Variants in FIGLA observed in about 807,000 individuals in gnomAD.
FIGLA encodes factor in the germline alpha.
In FIGLA, 17 loss-of-function variants were observed where a neutral mutation model predicts 21.5. The ratio of observed to expected loss-of-function variants is 0.79; its 90% CI spans 0.54 to 1.19. FIGLA has a LOEUF of 1.19. FIGLA is among the 50% of genes most tolerant of loss of function. FIGLA has a pLI of 0.00. For missense variants in FIGLA, 282 were observed against 285.0 expected (o/e 0.99, Z 0.08); for synonymous variants, 129 against 117.6 (o/e 1.10, Z -0.63).
Position 70,790,478 on chromosome 2 carries a change from T to C in FIGLA, c.161A>G (p.Tyr54Cys), listed in dbSNP as rs1553390719. Residue 54 changes from tyrosine (Y) to cysteine (C), a missense_variant, in exon 1 of 5, where the codon TAC becomes TGC. Transcript: ENST00000332372. ...CRLKRLPSGGYSSTENLQLVL... is the reference protein window; with the variant it reads ...CRLKRLPSGGCSSTENLQLVL... ...CAACTGGAGGTTTTCAGTGGACGAG[T>C]AGCCGCCCGAGGGCAGCCGCTTGAG... The C allele has an allele frequency of 5.2e-6, 8 of 1,544,692 alleles. No individual in the cohort carries two copies. The highest frequency in any genetic ancestry group is 2.4e-5 in the South Asian group (2 of 83,840).
intron 4 of FIGLA, 29 bp downstream of exon 4, chr2:70,777,608 A>G: frequency 1.3e-6 from 2 of 1,599,260 alleles, no homozygotes; most frequent in Non-Finnish European, 1.7e-6. Flanking sequence ...ATAAATTGGC[A>G]CTATGCATCA....
At chr2:70,781,609 G>A (rs1553389149) in intron 3 of FIGLA, among the ~76,000 whole-genome samples, 1 of 152,160 alleles carries the variant, frequency 6.6e-6, no homozygotes, top group Non-Finnish European at 1.5e-5. Flanking sequence ...TGACTACTCA[G>A]CAAAAAGCAG....
chr2:70,777,906 T>C (rs1215840991), intron 3 of FIGLA, among the ~76,000 whole-genome samples: 7 of 152,216 alleles, frequency 4.6e-5, no homozygotes, highest in African/African-American at 1.7e-4. Flanking sequence ...TTTTAGTGTA[T>C]TTCCATCAGT....
Position 70,777,368 on chromosome 2 carries a change from C to T in FIGLA, c.659G>A (p.Ter220=). 1 of 1,491,316 alleles carries T rather than the reference C, an allele frequency of 6.7e-7. No individual in the cohort carries two copies. 92.4% of individuals were successfully genotyped at this position (1,491,316 alleles called of 1,614,324 possible). ...GGTAACCCTGGGCCTTTTCATTTTTCATACTTGTGGAAGTCTGAAACAGAG... is the reference window on the plus strand; with the variant it reads ...GGTAACCCTGGGCCTTTTCATTTTTTATACTTGTGGAAGTCTGAAACAGAG... ...ELLSHRLPQV[*] The change falls in exon 5 of 5, where the codon TGA becomes TAA. Residue 220 remains the stop codon, a stop_retained_variant. Transcript: ENST00000332372.
At chr2:70,784,364 G>C (rs1335766149) in intron 3 of FIGLA, among the ~76,000 whole-genome samples, 1 of 152,202 alleles carries the variant, frequency 6.6e-6, no homozygotes, top group Non-Finnish European at 1.5e-5. Flanking sequence ...TTGCTCATGA[G>C]TCAAGAGAAG....
chr2:70,790,625 G>A lies in FIGLA; in HGVS notation c.14C>T (p.Pro5Leu), dbSNP rs782637050. The change falls in exon 1 of 5, where the codon CCC (proline) becomes CTC (leucine). Residue 5 changes from proline to leucine, a missense_variant. By Grantham distance (98) the Pro-to-Leu change is moderately conservative. Coordinates refer to ENST00000332372, the MANE Select transcript of FIGLA (RefSeq NM_001004311.3). Reference protein sequence around the residue: MDPAPGVLDPRAAPP... With the variant: MDPALGVLDPRAAPP... ...CGCGGCGCGGGGATCTAGGACGCCG[G>A]GCGCGGGGTCCATGGCAGGGCCGAG... is the stretch of plus-strand genomic sequence containing the variant. 1 of 1,417,624 alleles carries A rather than the reference G, an allele frequency of 7.1e-7. No individual in the cohort carries two copies. The highest frequency in any genetic ancestry group is 1.5e-5 in the South Asian group (1 of 65,448). 87.8% of individuals were successfully genotyped at this position (1,417,624 alleles called of 1,614,324 possible). A position where few individuals can be genotyped will look rare whatever the true frequency, so the allele number is the denominator to read the frequency against.
intron 1 of FIGLA, among the ~76,000 whole-genome samples, chr2:70,788,217 T>A (rs563262596): frequency 2.0e-5 from 3 of 152,292 alleles, no homozygotes; most frequent in South Asian, 4.1e-4. Flanking sequence ...ATGGAAAATA[T>A]CTTAAAGCTT....
chr2:70,790,494 G>A lies in FIGLA; in HGVS notation c.145C>T (p.Leu49=). The A allele has an allele frequency of 6.5e-7, 1 of 1,543,280 alleles. No individual in the cohort carries two copies. Among genetic ancestry groups the A allele is most frequent in the Non-Finnish European group, 8.7e-7 (1 of 1,146,382 alleles). ...GTGGACGAGTAGCCGCCCGAGGGCA[G>A]CCGCTTGAGCCGGCAGACAGCGGCC... ...QLAAVCRLKR[L]PSGGYSSTEN... is the part of the protein sequence containing the mutation. Residue 49 remains leucine (L), a synonymous_variant, in exon 1 of 5, where the codon CTG becomes TTG. Coordinates refer to ENST00000332372, the MANE Select transcript of FIGLA (RefSeq NM_001004311.3).
intron 2 of FIGLA, among the ~76,000 whole-genome samples, 163 bp downstream of exon 2, chr2:70,787,486 T>C (rs1675977387): frequency 6.6e-6 from 1 of 152,236 alleles, no homozygotes. Flanking sequence ...TGGCCTTAAC[T>C]ATATTTTGGT....
In FIGLA at chr2:70,790,475, G is replaced by A. The variant is rs1553390718; in HGVS notation, c.164C>T (p.Ser55Leu). The change falls in exon 1 of 5, where the codon TCG becomes TTG. Residue 55 changes from serine (S) to leucine (L), a missense_variant. Coordinates refer to ENST00000332372, the MANE Select transcript of FIGLA (RefSeq NM_001004311.3). ...CACCAACTGGAGGTTTTCAGTGGAC[G>A]AGTAGCCGCCCGAGGGCAGCCGCTT... is the stretch of plus-strand genomic sequence containing the variant. ...RLKRLPSGGYSSTENLQLVLE... is the reference protein window; with the variant it reads ...RLKRLPSGGYLSTENLQLVLE... 4.5e-6 allele frequency: 7 copies of A among 1,545,050 alleles called. No homozygotes were observed. The highest frequency in any genetic ancestry group is 1.2e-5 in the South Asian group (1 of 83,834).
At chr2:70,780,251 G>A (rs1392336640) in intron 3 of FIGLA, among the ~76,000 whole-genome samples, 4 of 152,012 alleles carry the variant, frequency 2.6e-5, no homozygotes, top group South Asian at 4.1e-4. Flanking sequence ...CCCCCAAAAC[G>A]CCCATCCCTG....
chr2:70,781,430 G>A (rs1675854471), intron 3 of FIGLA, among the ~76,000 whole-genome samples: 2 of 152,096 alleles, frequency 1.3e-5, no homozygotes, highest in African/African-American at 2.4e-5. Flanking sequence ...GGCCACAGTG[G>A]GGACAATTGG....
intron 3 of FIGLA, among the ~76,000 whole-genome samples, chr2:70,781,369 A>G (rs2104597482): frequency 6.6e-6 from 1 of 152,258 alleles, no homozygotes; most frequent in South Asian, 2.1e-4. Context: ...TGATCAAATA[A>G]TCGTGATGAC....
chr2:70,778,849 G>A (rs1237838669), intron 3 of FIGLA, among the ~76,000 whole-genome samples: 1 of 152,170 alleles, frequency 6.6e-6, no homozygotes, highest in Non-Finnish European at 1.5e-5. Context: ...CACTCCAATT[G>A]TTGGCAGTGT....
At chr2:70,782,306 A>T (rs1248100489) in intron 3 of FIGLA, among the ~76,000 whole-genome samples, 1 of 152,228 alleles carries the variant, frequency 6.6e-6, no homozygotes, top group Non-Finnish European at 1.5e-5. Context: ...CACTTTTGTT[A>T]TTCCTGCCGA....
intron 1 of FIGLA, among the ~76,000 whole-genome samples, 190 bp downstream of exon 1, chr2:70,790,218 C>G (rs1168925566): frequency 1.3e-5 from 2 of 152,172 alleles, no homozygotes; most frequent in Non-Finnish European, 2.9e-5. Flanking sequence ...CGCCAACGAG[C>G]AGCTGCACGG....
At chr2:70,786,537 C>T (rs527613418) in intron 2 of FIGLA, among the ~76,000 whole-genome samples, 19 of 152,254 alleles carry the variant, frequency 1.2e-4, no homozygotes, top group African/African-American at 4.6e-4. Context: ...ATCTCCTGAC[C>T]TCATGATCTG....
intron 3 of FIGLA, among the ~76,000 whole-genome samples, chr2:70,779,496 A>G (rs1028790540): frequency 6.6e-6 from 1 of 152,132 alleles, no homozygotes; most frequent in Non-Finnish European, 1.5e-5. Flanking sequence ...CAACTAGCCA[A>G]ACCGTCTCAT....
chr2:70,787,522 T>C, intron 2 of FIGLA, 127 bp downstream of exon 2: 1 of 1,012,822 alleles, frequency 9.9e-7, no homozygotes, highest in Non-Finnish European at 1.4e-6. Context: ...ATAAGGGTCA[T>C]AAAAATAGCT....
Sources: gnomAD v4.1 joint callset for allele counts (sites outside exome capture counted in the v4.1 genomes callset) on GRCh38, gnomAD v4.1.1 for gene constraint, MANE v1.5 for transcripts, NCBI Gene and HGNC (gene_info 2026-07-23, HGNC 2026-07-21) for gene names.